Variants in ZNF318 observed in about 807,000 individuals in gnomAD.
ZNF318 encodes the protein zinc finger protein 318.
A neutral mutation model predicts 124.2 loss-of-function variants in ZNF318; 51 were observed. The observed-to-expected ratio is 0.41, with a 90% CI of 0.33 to 0.52. The LOEUF (loss-of-function observed/expected upper bound fraction) is 0.52, where lower values mean the gene tolerates loss of function less well. ZNF318 is among the 20% of genes least tolerant of loss of function. ZNF318 has a pLI of 0.23. For synonymous variants in ZNF318, 1,090 were observed against 1,040.7 expected (o/e 1.05, Z -0.91); for missense variants, 2,815 against 2,811.2 (o/e 1.00, Z -0.03).
chr6:43,338,885 G>C lies in ZNF318; in HGVS notation c.5113C>G (p.Gln1705Glu). ...TLAIWTSSSF[Q>E]SDTSRDISPE... is the part of the protein sequence containing the mutation. ...GATATATCCCTACTAGTGTCACTCT[G>C]GAAGGAACTAGAGGTCCATATGGCC... is the stretch of plus-strand genomic sequence containing the variant. The change falls in exon 10 of 10, where the codon CAG becomes GAG. Residue 1705 changes from glutamine to glutamate, a missense_variant. This residue lies in a region of ZNF318 where 927 missense variants were observed against 820.6 expected (regional missense o/e 1.13). Transcript: ENST00000361428. 1 of 1,614,058 alleles carries C rather than the reference G, an allele frequency of 6.2e-7. No homozygotes were observed.
chr6:43,339,260 C>T lies in ZNF318; in HGVS notation c.4738G>A (p.Ala1580Thr), dbSNP rs3734684. The T allele has an allele frequency of 5.7e-4, 918 of 1,613,334 alleles. 11 individuals carry two copies. The East Asian group carries it at 0.018, about 31-fold the overall frequency. The change falls in exon 10 of 10, where the codon GCC becomes ACC. Residue 1580 changes from alanine to threonine, a missense_variant. Physicochemically the swap from Ala to Thr is moderately conservative, Grantham distance 58. Around this residue, in one of 4 missense-constraint regions of ZNF318, gnomAD observed 927 missense variants for 820.6 expected, o/e 1.13. Transcript: ENST00000361428. The surrounding 1 kb of genome is among the most constrained non-coding windows in gnomAD (Gnocchi z 4.2). ...TCAGGGGCCCCCTTAGTCTCAGGGG[C>T]CCCCTTTCCACCACTACTATAGAAT... The part of the protein sequence containing the change: ...DIFYSSGGKG[A>T]PETKGAPETK...
chr6:43,349,987 C>A (rs892026456), intron 5 of ZNF318, among the ~76,000 whole-genome samples: 2 of 152,150 alleles, frequency 1.3e-5, no homozygotes, highest in African/African-American at 4.8e-5. Context: ...GGGTGGCTCA[C>A]ACCTATAATC....
chr6:43,350,146 A>G (rs2150752498), intron 5 of ZNF318, among the ~76,000 whole-genome samples: 1 of 152,304 alleles, frequency 6.6e-6, no homozygotes, highest in Admixed American at 6.5e-5. Flanking sequence ...GCTACTTGGG[A>G]GGTTGAGGCA....
chr6:43,337,374 T>C lies in ZNF318; in HGVS notation c.6624A>G (p.Leu2208=). ...SKCSSLELGP[L]QLEISNASTT... is the part of the protein sequence containing the mutation. ...TGGATGCATTCGATATTTCTAGCTG[T>C]AATGGCCCCAACTCCAGGGAACTAC... The change falls in exon 10 of 10, where the codon TTA becomes TTG. Residue 2208 remains leucine (L), a synonymous_variant. Transcript: ENST00000361428. 1 of 1,614,176 alleles carries C rather than the reference T, an allele frequency of 6.2e-7. No individual in the cohort carries two copies. Among genetic ancestry groups the C allele is most frequent in the African/African-American group, 1.3e-5 (1 of 75,056 alleles).
intron 2 of ZNF318, among the ~76,000 whole-genome samples, chr6:43,359,775 T>C (rs975347933): frequency 1.3e-5 from 2 of 152,224 alleles, no homozygotes; most frequent in African/African-American, 4.8e-5. Context: ...AAACTTTATT[T>C]ACCTTCTCTA....
At chr6:43,348,202 T>C (rs1396851104) in intron 6 of ZNF318, 122 bp downstream of exon 6, 1 of 1,010,690 alleles carries the variant, frequency 9.9e-7, no homozygotes, top group Non-Finnish European at 1.5e-6. Context: ...TGATCTATAC[T>C]GTAAGAAAAT....
chr6:43,353,918 C>G (rs1047717283), intron 4 of ZNF318, among the ~76,000 whole-genome samples: 4 of 151,962 alleles, frequency 2.6e-5, no homozygotes, highest in African/African-American at 9.7e-5. Context: ...GGCTGGGGAC[C>G]CAATGAACCT....
chr6:43,361,601 C>A (rs1562136221), intron 2 of ZNF318, among the ~76,000 whole-genome samples: 1 of 152,160 alleles, frequency 6.6e-6, no homozygotes, highest in East Asian at 1.9e-4. Flanking sequence ...TAAATAGCTC[C>A]ATGAATGGAA....
intron 2 of ZNF318, among the ~76,000 whole-genome samples, chr6:43,362,715 G>A (rs1779699524): frequency 6.6e-6 from 1 of 151,884 alleles, no homozygotes; most frequent in Admixed American, 6.6e-5. Flanking sequence ...TGTTGGCCAG[G>A]ATGGTCTCGA....
At position 43,355,489 on chromosome 6, in the gene ZNF318, G is replaced by A. The variant is rs139144966; in HGVS notation, c.1845C>T (p.Thr615=). 4.3e-4 allele frequency: 697 copies of A among 1,614,152 alleles called. 1 individual carries two copies. The highest frequency in any genetic ancestry group is 6.5e-4 in the Admixed American group (39 of 60,026). Residue 615 remains threonine (T), a synonymous_variant, in exon 4 of 10, where the codon ACC becomes ACT. Transcript: ENST00000361428. Reference sequence around the variant, plus strand: ...GCTTCTTGCCATGAAGTCGTTCCTGGGTGCGTGCAGCCAATTGACTAATCT... The same window carrying A: ...GCTTCTTGCCATGAAGTCGTTCCTGAGTGCGTGCAGCCAATTGACTAATCT... ...VAEISQLAAR[T]QERLHGKKPS...
At chr6:43,343,827 C>CCA (rs1779405052) in intron 6 of ZNF318, among the ~76,000 whole-genome samples, 1 of 101,920 alleles carries the variant, frequency 9.8e-6, no homozygotes, top group Admixed American at 1.1e-4. Flanking sequence ...GACCCTGTCT[C>CCA]AAAAAAAAAA....
At chr6:43,364,708 T>C (rs1032762193) in intron 2 of ZNF318, among the ~76,000 whole-genome samples, 1 of 152,234 alleles carries the variant, frequency 6.6e-6, no homozygotes, top group South Asian at 2.1e-4. Flanking sequence ...CTGAGGTCTA[T>C]ATCCAACTCT....
Position 43,355,991 on chromosome 6 carries a change from C to A in ZNF318, c.1343G>T (p.Gly448Val), listed in dbSNP as rs1302607441. 1 of 1,614,162 alleles carries A rather than the reference C, an allele frequency of 6.2e-7. No individual in the cohort carries two copies. The highest frequency in any genetic ancestry group is 1.1e-5 in the South Asian group (1 of 91,082). ...AAGGGGACCCCATTGGTAGAGGTTG[C>A]CCTGAGGTTCCTTCAAGGCAGTCTC... ...MVETALKEPQ[G>V]NLYQWGPLPG... The change falls in exon 4 of 10, where the codon GGC becomes GTC. Residue 448 changes from glycine to valine, a missense_variant. By Grantham distance (109) the Gly-to-Val change is moderately radical. This residue lies in a region of ZNF318 where 1,377 missense variants were observed against 1,353.5 expected (regional missense o/e 1.02). Transcript: ENST00000361428.
intron 2 of ZNF318, among the ~76,000 whole-genome samples, chr6:43,360,430 G>A (rs1779664995): frequency 6.6e-6 from 1 of 152,150 alleles, no homozygotes; most frequent in Admixed American, 6.5e-5. Flanking sequence ...CCCTGAAAGA[G>A]TCCAGCGATG....
At position 43,339,965 on chromosome 6, in the gene ZNF318, G is replaced by A; in HGVS notation, c.4033C>T (p.Gln1345Ter). The change falls in exon 10 of 10, where the codon CAG becomes TAG. Residue 1345 changes from glutamine to a stop codon, truncating the protein, a stop_gained. Coordinates refer to ENST00000361428, the MANE Select transcript of ZNF318 (RefSeq NM_014345.3). LOFTEE classifies it high-confidence loss of function. The surrounding 1 kb of genome is among the most constrained non-coding windows in gnomAD (Gnocchi z 4.2). ...PWMPVVTTST[Q>*]TKIRPNLPIP... is the part of the protein sequence containing the mutation. ...GGCAGGTTGGGTCGGATCTTAGTCT[G>A]TGTGGAAGTTGTCACAACAGGCATC... 6.2e-7 allele frequency: 1 copy of A among 1,614,184 alleles called. No individual in the cohort carries two copies. The highest frequency in any genetic ancestry group is 8.5e-7 in the Non-Finnish European group (1 of 1,180,030).
chr6:43,337,465 C>T lies in ZNF318; in HGVS notation c.6533G>A (p.Arg2178Gln), dbSNP rs930866251. ...CLPDLVDFVT[R>Q]TSGVQKDKLC... ...TTTATCTTTTTGAACTCCAGAGGTC[C>T]GTGTGACAAAGTCAACAAGGTCTGG... The change falls in exon 10 of 10, where the codon CGG (arginine) becomes CAG (glutamine). Residue 2178 changes from arginine (R) to glutamine (Q), a missense_variant. Transcript: ENST00000361428. 17 of 1,614,002 alleles carry T rather than the reference C, an allele frequency of 1.1e-5. No homozygotes were observed. Among genetic ancestry groups the T allele is most frequent in the Middle Eastern group, 1.6e-4 (1 of 6,084 alleles).
Position 43,368,956 on chromosome 6 carries a change from G to T in ZNF318, c.399+11C>A. 7.2e-7 allele frequency: 1 copy of T among 1,392,498 alleles called. No individual in the cohort carries two copies. Among genetic ancestry groups the T allele is most frequent in the Non-Finnish European group, 9.3e-7 (1 of 1,071,048 alleles). The allele number at this position is 1,392,498 out of a possible 1,614,324, so 86.3% of individuals were successfully genotyped here. On this transcript the variant is annotated intron_variant, in intron 1 of 9. Coordinates refer to ENST00000361428, the MANE Select transcript of ZNF318 (RefSeq NM_014345.3). The stretch of plus-strand genomic sequence containing the variant: ...GGGATGGAGGGAGTCCTGGACGAGG[G>T]GTGGGATTACCCGGCTGCCGCTGTC...
Position 43,340,513 on chromosome 6 carries a change from A to G in ZNF318, c.3496-11T>C, listed in dbSNP as rs760115762. 9 of 1,569,858 alleles carry G rather than the reference A, an allele frequency of 5.7e-6. No homozygotes were observed. The South Asian group carries it at 1.1e-4, about 19-fold the overall frequency. On this transcript the variant is annotated splice_polypyrimidine_tract_variant and intron_variant, in intron 9 of 9. Coordinates refer to ENST00000361428, the MANE Select transcript of ZNF318 (RefSeq NM_014345.3). ...TTCATCCACATATTTCTGGGAAGAA[A>G]AAAGATAAAGACTCAAAAACTGGTG...
Position 43,354,998 on chromosome 6 carries a change from T to C in ZNF318, c.2336A>G (p.Gln779Arg). 1 of 1,611,410 alleles carries C rather than the reference T, an allele frequency of 6.2e-7. No individual in the cohort carries two copies. The highest frequency in any genetic ancestry group is 8.5e-7 in the Non-Finnish European group (1 of 1,178,494). ...FAAARIPPNY[Q>R]GPAIPPASFD... ...AGAGGCAGGGGGAATGGCAGGTCCC[T>C]GGTAGTTCGGAGGTATCCGAGCTGC... The change falls in exon 4 of 10, where the codon CAG becomes CGG. Residue 779 changes from glutamine to arginine, a missense_variant. Coordinates refer to ENST00000361428, the MANE Select transcript of ZNF318 (RefSeq NM_014345.3).
Sources: gnomAD v4.1 joint callset for allele counts (sites outside exome capture counted in the v4.1 genomes callset) on GRCh38, gnomAD v4.1.1 for gene constraint, gnomAD v4.1.1 regional missense constraint, Gnocchi (gnomAD v3.1) non-coding constraint, MANE v1.5 for transcripts, NCBI Gene and HGNC (gene_info 2026-07-23, HGNC 2026-07-21) for gene names.